The following DNHD1 variants were observed in gnomAD, a reference collection of about 807,000 sequenced individuals.
DNHD1 encodes dynein heavy chain domain 1.
A neutral mutation model predicts 458.1 loss-of-function variants in DNHD1; 383 were observed. That is an observed-to-expected ratio of 0.84 (90% CI 0.77 to 0.91). The LOEUF is 0.91. DNHD1 is among the 40% of genes least tolerant of loss of function. The probability of loss-of-function intolerance (pLI) is 0.00; values close to 1 mark genes in which losing one functional copy is unlikely to be tolerated. For missense variants in DNHD1, 5,336 were observed against 5,866.1 expected, an observed-to-expected ratio of 0.91 and a Z score of 2.95; for synonymous variants, 2,203 against 2,376.9, an observed-to-expected ratio of 0.93 and a Z score of 2.13.
chr11:6,520,163 T>C, intron 9 of DNHD1, 61 bp downstream of exon 9: 1 of 1,611,840 alleles, frequency 6.2e-7, no homozygotes, highest in Non-Finnish European at 8.5e-7. Context: ...CTCTGAGTAA[T>C]CAGAAGCTCA....
At chr11:6,526,659 C>T (rs1352832399) in intron 10 of DNHD1, among the ~76,000 whole-genome samples, 3 of 152,172 alleles carry the variant, frequency 2.0e-5, no homozygotes, top group African/African-American at 7.2e-5. Flanking sequence ...CCCCTACCTT[C>T]ATCTAGACTT....
In DNHD1 at chr11:6,546,848, A is replaced by T; in HGVS notation, c.5909A>T (p.Asp1970Val). ...LQQVGLDPSPDILGSLEQLSQ... is the reference protein window; with the variant it reads ...LQQVGLDPSPVILGSLEQLSQ... ...CAGGTAGGTCTGGATCCCAGCCCTG[A>T]CATTTTGGGGTCCTTGGAACAGTTG... Residue 1970 changes from aspartate to valine, a missense_variant, in exon 21 of 43, where the codon GAC becomes GTC. Asp to Val is a radical substitution (Grantham distance 152). This residue lies in a region of DNHD1 where 3,932 missense variants were observed against 4,365.6 expected (regional missense o/e 0.90). Transcript: ENST00000254579. 1 of 1,551,748 alleles carries T rather than the reference A, an allele frequency of 6.4e-7. No homozygotes were observed. Among genetic ancestry groups the T allele is most frequent in the South Asian group, 1.2e-5 (1 of 84,064 alleles).
At position 6,570,261 on chromosome 11, in the gene DNHD1, G is replaced by T. The variant is rs760908845; in HGVS notation, c.12970G>T (p.Gly4324Trp). 1.2e-6 allele frequency: 2 copies of T among 1,613,658 alleles called. No homozygotes were observed. The highest frequency in any genetic ancestry group is 1.7e-6 in the Non-Finnish European group (2 of 1,179,782). The change falls in exon 41 of 43, where the codon GGG becomes TGG. Residue 4324 changes from glycine to tryptophan, a missense_variant. By Grantham distance (184) the Gly-to-Trp change is radical. Around this residue, in one of 4 missense-constraint regions of DNHD1, gnomAD observed 698 missense variants for 664.9 expected, o/e 1.05. Coordinates refer to ENST00000254579, the MANE Select transcript of DNHD1 (RefSeq NM_144666.3). ...MQELAASVFY[G>W]GPLGDTEDRE... ...CTCATCTTCAGCTTCAGTTTTCTAC[G>T]GGGGTCCTCTGGGGGACACTGAGGA...
intron 7 of DNHD1, among the ~76,000 whole-genome samples, chr11:6,517,485 A>G (rs999874920): frequency 6.7e-6 from 1 of 149,526 alleles, no homozygotes; most frequent in Non-Finnish European, 1.5e-5. Flanking sequence ...TCAATGGATG[A>G]ATGATTAAAG....
chr11:6,538,819 G>C lies in DNHD1; in HGVS notation c.3325+9G>C. The C allele has an allele frequency of 1.3e-6, 2 of 1,489,454 alleles. No homozygotes were observed. Among genetic ancestry groups the C allele is most frequent in the Non-Finnish European group, 9.0e-7 (1 of 1,111,514 alleles). The allele number at this position is 1,489,454 out of a possible 1,614,324, so 92.3% of individuals were successfully genotyped here. A position where few individuals can be genotyped will look rare whatever the true frequency, so the allele number is the denominator to read the frequency against. On this transcript the variant is annotated intron_variant, in intron 16 of 42. Transcript: ENST00000254579. ...CCAGTGTCTCCTGCGTGGTATGTTT[G>C]GTTAATGTCAGAGGAGGGGGAAAGG...
chr11:6,545,779 A>G lies in DNHD1; in HGVS notation c.4840A>G (p.Ile1614Val). The G allele has an allele frequency of 6.4e-7, 1 of 1,551,780 alleles. No individual in the cohort carries two copies. The highest frequency in any genetic ancestry group is 2.0e-5 in the Admixed American group (1 of 51,008). Reference protein sequence around the residue: ...QLKYHLGSPHIIPKSPLQSLK... With the variant: ...QLKYHLGSPHVIPKSPLQSLK... ...CAAGTATCACTTGGGTTCACCTCACATAATCCCCAAAAGCCCCCTACAGAG... is the reference window on the plus strand; with the variant it reads ...CAAGTATCACTTGGGTTCACCTCACGTAATCCCCAAAAGCCCCCTACAGAG... Residue 1614 changes from isoleucine to valine, a missense_variant, in exon 21 of 43, where the codon ATA becomes GTA. Coordinates refer to ENST00000254579, the MANE Select transcript of DNHD1 (RefSeq NM_144666.3). This position sits in a 1 kb window ranked among gnomAD's most constrained non-coding sequence, Gnocchi z 4.9.
Position 6,564,124 on chromosome 11 carries a change from G to T in DNHD1, c.10284G>T (p.Gln3428His). ...TPMRAWTTQL[Q>H]KLKGRCMTVF... ...TGCGTGCCTGGACTACACAGCTCCA[G>T]GTAACCATCCCCCTCCCAGATGTCT... Residue 3428 changes from glutamine to histidine, a missense_variant and splice_region_variant, in exon 31 of 43, where the codon CAG becomes CAT. By Grantham distance (24) the Gln-to-His change is conservative. This residue lies in a region of DNHD1 where 3,932 missense variants were observed against 4,365.6 expected (regional missense o/e 0.90). Transcript: ENST00000254579. The T allele has an allele frequency of 6.5e-7, 1 of 1,547,040 alleles. No individual in the cohort carries two copies. Among genetic ancestry groups the T allele is most frequent in the South Asian group, 1.2e-5 (1 of 83,982 alleles).
intron 4 of DNHD1, among the ~76,000 whole-genome samples, chr11:6,507,417 A>C (rs1435438711): frequency 1.3e-5 from 2 of 152,248 alleles, no homozygotes. Flanking sequence ...ACAGTAGGCC[A>C]GTTAGCATAA....
At chr11:6,556,612 A>G in intron 24 of DNHD1, 71 bp from the exon 25 acceptor site, 1 of 1,402,552 alleles carries the variant, frequency 7.1e-7, no homozygotes, top group Non-Finnish European at 9.5e-7. Context: ...TGTGGCAGGA[A>G]TAGAGGGAAC....
At position 6,557,383 on chromosome 11, in the gene DNHD1, TGAGGAGGAG is replaced by T; in HGVS notation, c.8101_8109del (p.Glu2701_Glu2703del). 1 of 1,543,522 alleles carries T rather than the reference TGAGGAGGAG, an allele frequency of 6.5e-7. No homozygotes were observed. ...ACCTGGGCAAGGACCATCAGGAGAG[TGAGGAGGAG>T]GAGGAGGAGGAGAGGGTGCCCGAAG... On this transcript the variant is annotated inframe_deletion, in exon 25 of 43. Coordinates refer to ENST00000254579, the MANE Select transcript of DNHD1 (RefSeq NM_144666.3).
intron 10 of DNHD1, chr11:6,520,877 C>T (rs904677279): frequency 4.1e-6 from 4 of 984,022 alleles, no homozygotes; most frequent in South Asian, 9.4e-5. Flanking sequence ...ACATCTGACT[C>T]GTCCATACTT....
chr11:6,497,555 C>T (rs2555159), intron 1 of DNHD1, 30 bp from the exon 2 acceptor site: 133,847 of 152,738 alleles, frequency 0.88, 59,277 homozygotes, highest in African/African-American at 0.97. Context: ...CTGCTGCCTT[C>T]GAGTGACGAC....
In DNHD1 at chr11:6,547,700, G is replaced by A. The variant is rs996587500; in HGVS notation, c.6727+34G>A. ...ATGGACGGGCTGGTTTGAGAGAGAT[G>A]GGGCCTTAAGGGTAGCTGGGGTATA... On this transcript the variant is annotated intron_variant, in intron 21 of 42. Transcript: ENST00000254579. The A allele has an allele frequency of 2.0e-6, 3 of 1,495,466 alleles. No individual in the cohort carries two copies. In the Middle Eastern group the frequency reaches 5.4e-4, roughly 268 times the overall value. 92.6% of individuals were successfully genotyped at this position (1,495,466 alleles called of 1,614,324 possible). A position where few individuals can be genotyped will look rare whatever the true frequency, so the allele number is the denominator to read the frequency against.
At chr11:6,555,679 GAAGA>G (rs1853446872) in intron 24 of DNHD1, among the ~76,000 whole-genome samples, 2 of 152,188 alleles carry the variant, frequency 1.3e-5, no homozygotes, top group East Asian at 3.9e-4. Context: ...CTGAGTAAAA[GAAGA>G]TAGACATGAT....
chr11:6,499,101 T>TG, intron 3 of DNHD1, 140 bp downstream of exon 3: 2 of 957,436 alleles, frequency 2.1e-6, no homozygotes, highest in Non-Finnish European at 3.0e-6. Flanking sequence ...AAAGCTAGTG[T>TG]GAGGCTACTT....
rs1438392370 is a variant in DNHD1, at chr11:6,566,682, A to G, written c.11302A>G (p.Arg3768Gly). Reference sequence around the variant, plus strand: ...ACAGATGCTGCATGAAATCTTGTGCAGAGAGTATCCTGAACTCGAGACCCG... The same window carrying G: ...ACAGATGCTGCATGAAATCTTGTGCGGAGAGTATCCTGAACTCGAGACCCG... ...EEQMLHEILC[R>G]EYPELETRWQ... The change falls in exon 35 of 43, where the codon AGA becomes GGA. Residue 3768 changes from arginine to glycine, a missense_variant. Arg to Gly is a moderately radical substitution (Grantham distance 125). Transcript: ENST00000254579. The G allele has an allele frequency of 6.2e-7, 1 of 1,613,274 alleles. No individual in the cohort carries two copies. The highest frequency in any genetic ancestry group is 8.5e-7 in the Non-Finnish European group (1 of 1,179,656).
intron 18 of DNHD1, among the ~76,000 whole-genome samples, chr11:6,540,623 G>A (rs936692522): frequency 6.6e-6 from 1 of 152,138 alleles, no homozygotes; most frequent in African/African-American, 2.4e-5. Context: ...TCAGAGAGAG[G>A]ACCAGCTCAA....
chr11:6,538,535 C>G, intron 15 of DNHD1, 25 bp downstream of exon 15: 3 of 1,551,752 alleles, frequency 1.9e-6, no homozygotes, highest in Non-Finnish European at 2.6e-6. Context: ...CCTTGGAGCT[C>G]TTGACTGGGA....
chr11:6,556,256 G>T (rs572351386), intron 24 of DNHD1, among the ~76,000 whole-genome samples: 1 of 152,200 alleles, frequency 6.6e-6, no homozygotes, highest in Non-Finnish European at 1.5e-5. Flanking sequence ...TTACAGGAGT[G>T]AGCCACCACC....
Sources: allele counts gnomAD v4.1 joint callset (sites outside exome capture counted in the v4.1 genomes callset), GRCh38; gene constraint gnomAD v4.1.1; regional missense constraint gnomAD v4.1.1; non-coding constraint Gnocchi (gnomAD v3.1); transcripts MANE v1.5; gene names NCBI Gene and HGNC (gene_info 2026-07-23, HGNC 2026-07-21).